Variants in SPATA13 observed in about 807,000 individuals in gnomAD.
SPATA13 encodes spermatogenesis associated 13.
A neutral mutation model predicts 104.0 loss-of-function variants in SPATA13; 50 were observed. The observed-to-expected ratio is 0.48, with a 90% CI of 0.38 to 0.61. The LOEUF is 0.61. Ranked by LOEUF, SPATA13 falls within the 20% of genes least tolerant of loss-of-function variation. The probability of loss-of-function intolerance (pLI) is 0.00; values close to 1 mark genes in which losing one functional copy is unlikely to be tolerated. For synonymous variants in SPATA13, 606 were observed against 667.5 expected (o/e 0.91, Z 1.42); for missense variants, 1,524 against 1,690.6 (o/e 0.90, Z 1.73).
chr13:24,216,359 T>C (rs868221855), intron 1 of SPATA13, among the ~76,000 whole-genome samples: 19 of 152,212 alleles, frequency 1.2e-4, no homozygotes, highest in African/African-American at 4.3e-4. Flanking sequence ...TGAATCCCTA[T>C]TGGGGAAACA....
chr13:24,021,248 C>T (rs948093080), intron 3 of SPATA13, among the ~76,000 whole-genome samples: 1 of 152,170 alleles, frequency 6.6e-6, no homozygotes, highest in Non-Finnish European at 1.5e-5. Flanking sequence ...ATTCCAAGTG[C>T]GGAGCACAGC....
upstream of SPATA13, among the ~76,000 whole-genome samples, chr13:24,157,919 A>G (rs1011391148): frequency 6.6e-6 from 1 of 152,204 alleles, no homozygotes; most frequent in African/African-American, 2.4e-5. Context: ...TGCCCCATAT[A>G]TAAAATGAGA....
intron 4 of SPATA13, among the ~76,000 whole-genome samples, chr13:24,277,051 G>A (rs73168798): frequency 0.023 from 3,482 of 152,316 alleles, 67 homozygotes; most frequent in Middle Eastern, 0.048. Flanking sequence ...GTAGAGTGGA[G>A]TCAGATTACA....
At chr13:24,027,134 G>C (rs1453066854) in intron 3 of SPATA13, among the ~76,000 whole-genome samples, 1 of 112,092 alleles carries the variant, frequency 8.9e-6, no homozygotes, top group South Asian at 3.0e-4. Flanking sequence ...TTGTTTAGCC[G>C]TTTTTTTTTT....
intron 1 of SPATA13, among the ~76,000 whole-genome samples, chr13:23,981,631 C>A (rs747565106): frequency 6.6e-6 from 1 of 152,158 alleles, no homozygotes; most frequent in Non-Finnish European, 1.5e-5. Flanking sequence ...ACTTCATTTG[C>A]GTTGTGGGTT....
At chr13:24,024,857 A>G (rs1232688542) in intron 3 of SPATA13, among the ~76,000 whole-genome samples, 2 of 151,416 alleles carry the variant, frequency 1.3e-5, no homozygotes. Flanking sequence ...CAGAAGTTAG[A>G]TTCCAGCCCT....
intron 4 of SPATA13, chr13:24,270,631 C>T (rs979210638): frequency 1.5e-5 from 14 of 922,888 alleles, no homozygotes; most frequent in African/African-American, 3.3e-5. Context: ...TGAAGTCCCC[C>T]GCAATGTCAC....
intron 3 of SPATA13, among the ~76,000 whole-genome samples, chr13:24,092,287 C>G (rs1879934986): frequency 6.6e-6 from 1 of 152,186 alleles, no homozygotes; most frequent in African/African-American, 2.4e-5. Context: ...TCCGGCAGCT[C>G]TCTAAGGAAG....
intron 1 of SPATA13, among the ~76,000 whole-genome samples, chr13:24,168,081 C>A (rs1218151961): frequency 6.6e-6 from 1 of 152,160 alleles, no homozygotes; most frequent in Non-Finnish European, 1.5e-5. Context: ...GGACATTTTT[C>A]ATGTCGACTT....
intron 1 of SPATA13, among the ~76,000 whole-genome samples, chr13:24,211,046 A>G (rs1342206459): frequency 6.6e-6 from 1 of 152,108 alleles, no homozygotes; most frequent in Non-Finnish European, 1.5e-5. Flanking sequence ...CAGATAGTAC[A>G]TTGTTAGTGT....
chr13:24,224,049 AGGCGG>A lies in SPATA13; in HGVS notation c.1131_1135del (p.Ala378HisfsTer20). On this transcript the variant is annotated frameshift_variant, in exon 2 of 13. Transcript: ENST00000382108. LOFTEE classifies it high-confidence loss of function. ...CTCCAGGAGCACTGAGCAGGACAGC[AGGCGG>A]GGCGGGGCGGTCATGCATGGGACCA... 6.5e-7 allele frequency: 1 copy of A among 1,549,482 alleles called. No individual in the cohort carries two copies. The highest frequency in any genetic ancestry group is 8.7e-7 in the Non-Finnish European group (1 of 1,145,888).
chr13:24,067,743 C>T (rs1270352760), intron 3 of SPATA13, among the ~76,000 whole-genome samples: 5 of 152,268 alleles, frequency 3.3e-5, no homozygotes, highest in East Asian at 1.9e-4. Flanking sequence ...CTCACTCTGT[C>T]GCCTAGGCTG....
chr13:24,042,420 C>T (rs541412799), intron 3 of SPATA13, among the ~76,000 whole-genome samples: 3 of 144,808 alleles, frequency 2.1e-5, no homozygotes, highest in Admixed American at 7.1e-5. Flanking sequence ...TGAGATGTTG[C>T]GTGTTCACAG....
At chr13:24,065,309 G>A (rs765637225) in intron 3 of SPATA13, among the ~76,000 whole-genome samples, 57 of 152,124 alleles carry the variant, frequency 3.7e-4, no homozygotes, top group Admixed American at 1.2e-3. Context: ...GGGTTTTGAT[G>A]TGTGTGGTGG....
intron 5 of SPATA13, among the ~76,000 whole-genome samples, chr13:24,284,875 G>T (rs1875813282): frequency 6.6e-6 from 1 of 152,080 alleles, no homozygotes; most frequent in African/African-American, 2.4e-5. Flanking sequence ...CGGACATTAT[G>T]GTTATTATCC....
At chr13:24,018,542 T>A (rs1426108692) in intron 3 of SPATA13, among the ~76,000 whole-genome samples, 3 of 152,238 alleles carry the variant, frequency 2.0e-5, no homozygotes, top group Non-Finnish European at 4.4e-5. Flanking sequence ...TAATTTAATT[T>A]GAGATTATGT....
Position 24,224,003 on chromosome 13 carries a change from TGAC to T in SPATA13, c.1078_1080del (p.Asp360del). 6.5e-7 allele frequency: 1 copy of T among 1,548,668 alleles called. No individual in the cohort carries two copies. The highest frequency in any genetic ancestry group is 8.7e-7 in the Non-Finnish European group (1 of 1,145,302). On this transcript the variant is annotated inframe_deletion, in exon 2 of 13. Transcript: ENST00000382108. Reference sequence around the variant, plus strand: ...GACTTCAGGCACACAGCCGGCTGCATGACGACTACTCCCGCCGCGTCTCCAGGA... The same window carrying T: ...GACTTCAGGCACACAGCCGGCTGCATGACTACTCCCGCCGCGTCTCCAGGA...
intron 2 of SPATA13, among the ~76,000 whole-genome samples, chr13:24,248,904 G>C (rs1434473714): frequency 7.0e-6 from 1 of 143,724 alleles, no homozygotes; most frequent in East Asian, 2.1e-4. Context: ...TTTTGAGAAA[G>C]AGCCGTGCTC....
chr13:24,202,579 G>T (rs1214936880), intron 1 of SPATA13, among the ~76,000 whole-genome samples: 5 of 53,380 alleles, frequency 9.4e-5, no homozygotes, highest in Admixed American at 2.5e-4. Context: ...ATATTAGAAT[G>T]TTCCTGTGAC....
Sources: gnomAD v4.1 joint callset for allele counts (sites outside exome capture counted in the v4.1 genomes callset) on GRCh38, gnomAD v4.1.1 for gene constraint, MANE v1.5 for transcripts, NCBI Gene and HGNC (gene_info 2026-07-23, HGNC 2026-07-21) for gene names.